PCDH15: variants seen among roughly 807,000 people sequenced by gnomAD.
PCDH15 encodes protocadherin-15.
Under a neutral mutation model 178.5 loss-of-function variants are expected in PCDH15, and 129 were observed. The observed-to-expected ratio is 0.72, with a 90% confidence interval of 0.63 to 0.84. The LOEUF is 0.84. Among genes scored for constraint, PCDH15 ranks in the 40% least tolerant of loss-of-function variants. PCDH15 has a pLI of 0.00. For synonymous variants in PCDH15, 800 were observed against 732.0 expected (o/e 1.09, Z -1.50); for missense variants, 2,230 against 2,099.9 (o/e 1.06, Z -1.21).
At chr10:55,234,195 G>T (rs1266121191) in intron 1 of PCDH15, among the ~76,000 whole-genome samples, 1 of 151,938 alleles carries the variant, frequency 6.6e-6, no homozygotes, top group East Asian at 1.9e-4. Context: ...AATCAACCAA[G>T]TGTAATAGGA....
intron 3 of PCDH15, among the ~76,000 whole-genome samples, chr10:54,447,900 C>A (rs2076241325): frequency 6.6e-6 from 1 of 151,616 alleles, no homozygotes. Flanking sequence ...TATCTGTGAA[C>A]TACCTAATGT....
intron 2 of PCDH15, among the ~76,000 whole-genome samples, chr10:55,363,521 C>T (rs963306037): frequency 6.6e-6 from 1 of 152,080 alleles, no homozygotes; most frequent in African/African-American, 2.4e-5. Context: ...GAACACTGAC[C>T]CACTATCTTT....
At chr10:54,815,893 G>A (rs1952941643) in intron 3 of PCDH15, among the ~76,000 whole-genome samples, 1 of 151,794 alleles carries the variant, frequency 6.6e-6, no homozygotes, top group Non-Finnish European at 1.5e-5. Context: ...TCTCTAGCTT[G>A]CTTTATTGGA....
At chr10:53,970,503 T>C (rs567231889) in intron 21 of PCDH15, among the ~76,000 whole-genome samples, 1 of 70,684 alleles carries the variant, frequency 1.4e-5, no homozygotes, top group African/African-American at 3.2e-5. Context: ...CCAGGAGCTG[T>C]TTTTTTTTAA....
intron 9 of PCDH15, among the ~76,000 whole-genome samples, chr10:54,216,044 GAA>G (rs10648282): frequency 2.8e-5 from 2 of 70,388 alleles, no homozygotes; most frequent in African/African-American, 6.2e-5. Flanking sequence ...CTCCGTCTCA[GAA>G]AAAAAAAAAA....
At chr10:54,537,331 A>C (rs1589968737) in intron 2 of PCDH15, among the ~76,000 whole-genome samples, 1 of 151,986 alleles carries the variant, frequency 6.6e-6, no homozygotes, top group East Asian at 1.9e-4. Flanking sequence ...TATAACCAGT[A>C]ATAGGATTGT....
intron 2 of PCDH15, among the ~76,000 whole-genome samples, chr10:54,597,379 A>G (rs1565700017): frequency 6.6e-6 from 1 of 152,158 alleles, no homozygotes. Flanking sequence ...GGCAGAAATC[A>G]AGAAGTATTT....
intron 8 of PCDH15, among the ~76,000 whole-genome samples, chr10:54,301,221 C>T (rs2060131602): frequency 6.6e-6 from 1 of 152,168 alleles, no homozygotes; most frequent in Admixed American, 6.5e-5. Flanking sequence ...TCTGGACACA[C>T]AAGTTCCTAG....
intron 2 of PCDH15, among the ~76,000 whole-genome samples, chr10:55,349,385 T>G (rs1411900660): frequency 6.6e-6 from 1 of 152,172 alleles, no homozygotes; most frequent in Non-Finnish European, 1.5e-5. Flanking sequence ...ATTAAAATAT[T>G]TTTCTAGTCA....
At chr10:54,200,708 C>A (rs1217032554) in intron 10 of PCDH15, among the ~76,000 whole-genome samples, 2 of 152,132 alleles carry the variant, frequency 1.3e-5, no homozygotes, top group East Asian at 3.9e-4. Context: ...CCTTTCACGG[C>A]AACAGCTTCT....
intron 26 of PCDH15, among the ~76,000 whole-genome samples, chr10:53,875,318 GAT>G (rs2080148176): frequency 7.1e-6 from 1 of 140,114 alleles, no homozygotes; most frequent in Admixed American, 7.9e-5. Context: ...AATTCATAGA[GAT>G]ATTTTAGTAA....
chr10:55,340,294 T>G (rs948785834), intron 2 of PCDH15, among the ~76,000 whole-genome samples: 3 of 151,660 alleles, frequency 2.0e-5, no homozygotes, highest in Non-Finnish European at 2.9e-5. Flanking sequence ...TTACATTTAT[T>G]ATGGTCACCA....
intron 2 of PCDH15, among the ~76,000 whole-genome samples, chr10:55,014,093 C>T (rs1434440272): frequency 6.6e-6 from 1 of 151,982 alleles, no homozygotes; most frequent in Non-Finnish European, 1.5e-5. Context: ...AAACTGTATA[C>T]TATCATTAAA....
chr10:54,488,359 T>C (rs1328026909), intron 3 of PCDH15, among the ~76,000 whole-genome samples: 1 of 151,840 alleles, frequency 6.6e-6, no homozygotes, highest in Admixed American at 6.6e-5. Context: ...TTGACATACA[T>C]TCCTTTGATT....
At chr10:55,515,291 T>C (rs1840986749) in intron 2 of PCDH15, among the ~76,000 whole-genome samples, 1 of 152,028 alleles carries the variant, frequency 6.6e-6, no homozygotes, top group Non-Finnish European at 1.5e-5. Flanking sequence ...GGCATTGTTT[T>C]TGAGTCCCAA....
intron 2 of PCDH15, among the ~76,000 whole-genome samples, chr10:54,639,855 C>CA (rs1384265392): frequency 6.6e-5 from 10 of 152,124 alleles, no homozygotes; most frequent in Middle Eastern, 3.4e-3. Context: ...CACTATTTAA[C>CA]AAAAAAGACT....
intron 2 of PCDH15, among the ~76,000 whole-genome samples, chr10:55,472,465 C>CTTTTTT (rs71014493): frequency 1.0e-5 from 1 of 99,770 alleles, no homozygotes; most frequent in Non-Finnish European, 2.0e-5. Flanking sequence ...TTTGAATTAG[C>CTTTTTT]TTTTTTTTTT....
chr10:54,656,875 T>C (rs538897117), intron 2 of PCDH15, among the ~76,000 whole-genome samples: 1 of 152,318 alleles, frequency 6.6e-6, no homozygotes, highest in East Asian at 1.9e-4. Context: ...TCCTCCCATC[T>C]ACTCTTGCAG....
intron 1 of PCDH15, among the ~76,000 whole-genome samples, chr10:55,190,756 T>C (rs1434225478): frequency 6.6e-6 from 1 of 151,564 alleles, no homozygotes. Context: ...TAGAGAAAAA[T>C]AATTTACCAT....
Sources: allele counts gnomAD v4.1 joint callset (sites outside exome capture counted in the v4.1 genomes callset), GRCh38; gene constraint gnomAD v4.1.1; transcripts MANE v1.5; gene names NCBI Gene and HGNC (gene_info 2026-07-23, HGNC 2026-07-21).